Variants in AQP1 observed in about 807,000 individuals in gnomAD.
AQP1 encodes aquaporin-1.
In AQP1, 11 loss-of-function variants were observed where a neutral mutation model predicts 19.7. That is an observed-to-expected ratio of 0.56 (90% CI 0.35 to 0.92). AQP1 has a LOEUF of 0.92. AQP1 is among the 40% of genes least tolerant of loss of function. The probability of loss-of-function intolerance (pLI) is 0.01; values close to 1 mark genes in which losing one functional copy is unlikely to be tolerated. For missense variants in AQP1, 320 were observed against 369.7 expected, an observed-to-expected ratio of 0.87 and a Z score of 1.10; for synonymous variants, 159 against 166.7, an observed-to-expected ratio of 0.95 and a Z score of 0.36.
At chr7:30,918,455 C>T (rs1371522025) in intron 1 of AQP1, among the ~76,000 whole-genome samples, 2 of 152,214 alleles carry the variant, frequency 1.3e-5, no homozygotes, top group African/African-American at 4.8e-5. Context: ...CAGGAATCCC[C>T]CCATGTCCAC....
At chr7:30,922,471 T>A in intron 2 of AQP1, 93 bp from the exon 3 acceptor site, 1 of 1,382,238 alleles carries the variant, frequency 7.2e-7, no homozygotes, top group Non-Finnish European at 1.0e-6. Context: ...ACCCTGATTG[T>A]TCTCTTTCTC....
chr7:30,912,236 C>A lies in AQP1; in HGVS notation c.327C>A (p.Thr109=), dbSNP rs371290302. ...AGTGCGTGGGGGCCATCGTCGCCAC[C>A]GCCATCCTCTCAGGCATCACCTCCT... ...IAQCVGAIVA[T]AILSGITSSL... is the part of the protein sequence containing the mutation. The change falls in exon 1 of 4, where the codon ACC becomes ACA. Residue 109 remains threonine, a synonymous_variant. Transcript: ENST00000311813. This position sits in a 1 kb window ranked among gnomAD's most constrained non-coding sequence, Gnocchi z 4.3. 1.9e-6 allele frequency: 3 copies of A among 1,608,716 alleles called. No individual in the cohort carries two copies. The highest frequency in any genetic ancestry group is 2.2e-5 in the East Asian group (1 of 44,878).
Position 30,923,657 on chromosome 7 carries a change from G to A in AQP1, c.*28G>A. The A allele has an allele frequency of 1.1e-5, 18 of 1,572,646 alleles. No individual in the cohort carries two copies. Among genetic ancestry groups the A allele is most frequent in the Non-Finnish European group, 1.5e-5 (17 of 1,163,672 alleles). ...GGGGTCTGGCCCGGGCATCCACGTA[G>A]GGGGCAGGGGCAGGGGCGGGCGGAG... On this transcript the variant is annotated 3_prime_UTR_variant, in exon 4 of 4. Transcript: ENST00000311813. This position sits in a 1 kb window ranked among gnomAD's most constrained non-coding sequence, Gnocchi z 4.8.
intron 1 of AQP1, among the ~76,000 whole-genome samples, chr7:30,918,640 AG>A (rs1791420015): frequency 6.6e-6 from 1 of 152,194 alleles, no homozygotes; most frequent in Admixed American, 6.5e-5. Context: ...CTCTTCCCCA[AG>A]GCCAGGGCAC....
At chr7:30,916,991 C>T (rs769844009) in intron 1 of AQP1, among the ~76,000 whole-genome samples, 1 of 152,116 alleles carries the variant, frequency 6.6e-6, no homozygotes, top group Non-Finnish European at 1.5e-5. Flanking sequence ...TGCGGGGGAT[C>T]CTGTGCTTAG....
rs79793493 is a variant in AQP1 at position 30,921,945 on chromosome 7, A to G, written c.385-121A>G. On this transcript the variant is annotated intron_variant, in intron 1 of 3. Coordinates refer to ENST00000311813, the MANE Select transcript of AQP1 (RefSeq NM_198098.4). ...CCTGGGACCCTGTGATGGGCTCTGA[A>G]GGCCCATCTGAGGGTCCGCCCTTCA... The G allele has an allele frequency of 1.8e-3, 2,732 of 1,560,790 alleles. 43 individuals are homozygous for G. The African/African-American group carries it at 0.033, about 19-fold the overall frequency.
chr7:30,915,150 G>C (rs548768388), intron 1 of AQP1, among the ~76,000 whole-genome samples: 2 of 152,264 alleles, frequency 1.3e-5, no homozygotes, highest in South Asian at 4.2e-4. Flanking sequence ...CAGGATTCCT[G>C]GCATTTGCTG....
At position 30,923,079 on chromosome 7, in the gene AQP1, C is replaced by T. The variant is rs77360369; in HGVS notation, c.631-371C>T. 7.6e-3 allele frequency among the ~76,000 whole-genome samples: 1,150 copies of T among 152,304 alleles called. 10 individuals carry two copies. The highest frequency in any genetic ancestry group is 0.026 in the African/African-American group (1,100 of 41,566). ...TAAACTGAGCTCAACACAGAGGAGG[C>T]GCTCAGTGGATTTTAGCTCTTATGG... On this transcript the variant is annotated intron_variant, in intron 3 of 3. Transcript: ENST00000311813. This position sits in a 1 kb window ranked among gnomAD's most constrained non-coding sequence, Gnocchi z 4.8.
In AQP1 at chr7:30,921,325, A is replaced by G. The variant is rs1052320305; in HGVS notation, c.385-741A>G. 1.6e-5 allele frequency: 21 copies of G among 1,351,530 alleles called. No individual in the cohort carries two copies. The African/African-American group carries it at 2.8e-4, about 18-fold the overall frequency. 83.7% of individuals were successfully genotyped at this position (1,351,530 alleles called of 1,614,324 possible). A position where few individuals can be genotyped will look rare whatever the true frequency, so the allele number is the denominator to read the frequency against. ...TAAAAGTGGCCCAGGAGTAAGTGGC[A>G]GCCAGACGGTGGTGGCGGGGCCTAT... On this transcript the variant is annotated intron_variant, in intron 1 of 3. Transcript: ENST00000311813.
chr7:30,917,344 C>A (rs753509228), intron 1 of AQP1, among the ~76,000 whole-genome samples: 6 of 151,958 alleles, frequency 3.9e-5, no homozygotes, highest in Non-Finnish European at 8.8e-5. Flanking sequence ...CTCAATGGAG[C>A]CTTTTCCTCT....
chr7:30,922,809 C>T lies in AQP1; in HGVS notation c.630+165C>T, dbSNP rs554328595. 1.2e-4 allele frequency among the ~76,000 whole-genome samples: 19 copies of T among 152,300 alleles called. No individual in the cohort carries two copies. The East Asian group carries it at 3.5e-3, about 28-fold the overall frequency. On this transcript the variant is annotated intron_variant, in intron 3 of 3. Transcript: ENST00000311813. The stretch of plus-strand genomic sequence containing the variant: ...ATGTAGAGGCAGGCTGGGGGTCACA[C>T]TGCCAGCACTTTCAGGCCTAGTCTC...
Position 30,911,916 on chromosome 7 carries a change from A to G in AQP1, c.7A>G (p.Ser3Gly). The change falls in exon 1 of 4, where the codon AGC becomes GGC. Residue 3 changes from serine to glycine, a missense_variant. Transcript: ENST00000311813. The part of the protein sequence containing the change: MA[S>G]EFKKKLFWRA... The stretch of plus-strand genomic sequence containing the variant: ...GGCCAAGCCCCCTGCCAGCATGGCC[A>G]GCGAGTTCAAGAAGAAGCTCTTCTG... 1.9e-6 allele frequency: 3 copies of G among 1,613,114 alleles called. No individual in the cohort carries two copies. The highest frequency in any genetic ancestry group is 1.7e-6 in the Non-Finnish European group (2 of 1,179,996).
chr7:30,922,264 G>GGGT, intron 2 of AQP1, 34 bp downstream of exon 2: 1 of 1,417,026 alleles, frequency 7.1e-7, no homozygotes, highest in Non-Finnish European at 9.5e-7. Flanking sequence ...GGAGGTGGGG[G>GGGT]AAGGGAGGGC....
At chr7:30,922,721 T>C in intron 3 of AQP1, 77 bp downstream of exon 3, 1 of 1,411,570 alleles carries the variant, frequency 7.1e-7, no homozygotes, top group Admixed American at 1.7e-5. Flanking sequence ...ACAGTGTCCC[T>C]TCCTGTTCTG....
rs749627875 is a variant in AQP1, at chr7:30,923,928, TGGGA to T, written c.*302_*305del. The T allele has an allele frequency of 7.6e-6, 11 of 1,438,938 alleles. No individual in the cohort carries two copies. In the South Asian group the frequency reaches 1.3e-4, roughly 16 times the overall value. The allele number at this position is 1,438,938 out of a possible 1,614,324, so 89.1% of individuals were successfully genotyped here. ...CTGCTAGTCGCCCCTCAGAGCATGA[TGGGA>T]GGTGTGCCAGAAAGTCCCCCCTCGC... On this transcript the variant is annotated 3_prime_UTR_variant, in exon 4 of 4. Transcript: ENST00000311813. The surrounding 1 kb of genome is among the most constrained non-coding windows in gnomAD (Gnocchi z 4.8).
chr7:30,922,309 G>A (rs1791539131), intron 2 of AQP1, 79 bp downstream of exon 2: 1 of 1,512,022 alleles, frequency 6.6e-7, no homozygotes, highest in South Asian at 1.2e-5. Context: ...TGGGCAGCCA[G>A]TGGGACTCCC....
rs113363161 is a variant in AQP1 at position 30,912,868 on chromosome 7, G to A, written c.384+575G>A. Among the ~76,000 whole-genome samples, 49 of 152,298 alleles carry A rather than the reference G, an allele frequency of 3.2e-4. No individual in the cohort carries two copies. Among genetic ancestry groups the A allele is most frequent in the Non-Finnish European group, 2.6e-4 (18 of 68,024 alleles). On this transcript the variant is annotated intron_variant, in intron 1 of 3. Coordinates refer to ENST00000311813, the MANE Select transcript of AQP1 (RefSeq NM_198098.4). The surrounding 1 kb of genome is among the most constrained non-coding windows in gnomAD (Gnocchi z 4.3). ...TGAGATTAGACAAAGATAAGGGAGTGAAAACACTCTCTGGGGCTGTTTGAA... is the reference window on the plus strand; with the variant it reads ...TGAGATTAGACAAAGATAAGGGAGTAAAAACACTCTCTGGGGCTGTTTGAA...
chr7:30,918,281 C>T (rs1027072092), intron 1 of AQP1, among the ~76,000 whole-genome samples: 4 of 152,184 alleles, frequency 2.6e-5, no homozygotes, highest in South Asian at 4.1e-4. Context: ...CGTGAGCCAC[C>T]GCGCCTGGCC....
Position 30,912,334 on chromosome 7 carries a change from A to G in AQP1, c.384+41A>G, listed in dbSNP as rs200566348. ...CTGGGCTTGGGGGGGTTCTAGAATG[A>G]TGCTGAAAGGCACTGGTTCCATCCT... On this transcript the variant is annotated intron_variant, in intron 1 of 3. Transcript: ENST00000311813. This position sits in a 1 kb window ranked among gnomAD's most constrained non-coding sequence, Gnocchi z 4.3. The G allele has an allele frequency of 1.4e-5, 22 of 1,589,164 alleles. No individual in the cohort carries two copies. In the Admixed American group the frequency reaches 2.7e-4, roughly 19 times the overall value.
Sources: gnomAD v4.1 joint callset for allele counts (sites outside exome capture counted in the v4.1 genomes callset) on GRCh38, gnomAD v4.1.1 for gene constraint, Gnocchi (gnomAD v3.1) non-coding constraint, MANE v1.5 for transcripts, NCBI Gene and HGNC (gene_info 2026-07-23, HGNC 2026-07-21) for gene names.